CTTNBP2: variants seen among roughly 807,000 people sequenced by gnomAD.
CTTNBP2 encodes cortactin-binding protein 2.
In CTTNBP2, 108 loss-of-function variants were observed where a neutral mutation model predicts 156.9. That is an observed-to-expected ratio of 0.69 (90% confidence interval 0.59 to 0.81). The LOEUF (loss-of-function observed/expected upper bound fraction) is 0.81. CTTNBP2 is among the 30% of genes least tolerant of loss of function. CTTNBP2 has a pLI of 0.00. For synonymous variants in CTTNBP2, 767 were observed against 751.8 expected (o/e 1.02, Z -0.33); for missense variants, 1,924 against 2,035.4 (o/e 0.95, Z 1.05).
At chr7:117,840,583 G>A (rs1262828553) in intron 2 of CTTNBP2, among the ~76,000 whole-genome samples, 2 of 152,138 alleles carry the variant, frequency 1.3e-5, no homozygotes, top group Admixed American at 1.3e-4. Context: ...TTCCATACAT[G>A]TAAACCATTA....
intron 20 of CTTNBP2, among the ~76,000 whole-genome samples, chr7:117,720,163 C>G (rs1367627030): frequency 6.6e-6 from 1 of 151,282 alleles, no homozygotes; most frequent in Non-Finnish European, 1.5e-5. Context: ...AATAGCGTGC[C>G]ATGCAGTTTC....
At chr7:117,721,688 T>G (rs1794799279) in intron 19 of CTTNBP2, among the ~76,000 whole-genome samples, 1 of 152,196 alleles carries the variant, frequency 6.6e-6, no homozygotes, top group Non-Finnish European at 1.5e-5. Context: ...ATTTAAATGC[T>G]GAAAATCATA....
intron 16 of CTTNBP2, among the ~76,000 whole-genome samples, chr7:117,729,398 C>G (rs1352439223): frequency 1.3e-5 from 2 of 152,176 alleles, no homozygotes; most frequent in Non-Finnish European, 1.5e-5. Context: ...AATAGACTTT[C>G]TAGTAACCAC....
intron 12 of CTTNBP2, among the ~76,000 whole-genome samples, chr7:117,755,083 C>G (rs1011348235): frequency 1.3e-5 from 2 of 152,196 alleles, no homozygotes; most frequent in African/African-American, 4.8e-5. Flanking sequence ...CTTCAACCTT[C>G]ACTTAAGCCA....
chr7:117,758,733 A>G lies in CTTNBP2; in HGVS notation c.3173-763T>C, dbSNP rs369406927. ...ACAATAATAACACTAATAATTACCA[A>G]TTATGAAGTGGTTACAGCGAGGCAC... On this transcript the variant is annotated intron_variant, in intron 10 of 22. Coordinates refer to ENST00000160373, the MANE Select transcript of CTTNBP2 (RefSeq NM_033427.3). 7.1e-4 allele frequency among the ~76,000 whole-genome samples: 108 copies of G among 152,310 alleles called. 1 individual carries two copies. Among genetic ancestry groups the G allele is most frequent in the African/African-American group, 2.3e-3 (94 of 41,572 alleles).
At chr7:117,719,964 T>C (rs561235068) in intron 20 of CTTNBP2, among the ~76,000 whole-genome samples, 1 of 152,290 alleles carries the variant, frequency 6.6e-6, no homozygotes, top group Admixed American at 6.5e-5. Context: ...TGTGATAAAA[T>C]GGGACAAACA....
intron 3 of CTTNBP2, among the ~76,000 whole-genome samples, chr7:117,797,871 T>C (rs887288594): frequency 6.6e-6 from 1 of 151,960 alleles, no homozygotes; most frequent in Non-Finnish European, 1.5e-5. Context: ...AAAGACAGAA[T>C]GCAGAAGAAA....
At chr7:117,756,517 T>C in intron 12 of CTTNBP2, 38 bp downstream of exon 12, 1 of 1,508,330 alleles carries the variant, frequency 6.6e-7, no homozygotes, top group South Asian at 1.1e-5. Flanking sequence ...GTGGCAGGGA[T>C]GGAAAACACA....
intron 12 of CTTNBP2, among the ~76,000 whole-genome samples, chr7:117,751,086 G>A (rs1044282914): frequency 6.6e-6 from 1 of 152,150 alleles, no homozygotes; most frequent in Non-Finnish European, 1.5e-5. Flanking sequence ...TTAGTGCTTT[G>A]TGAGCCAAAC....
intron 8 of CTTNBP2, among the ~76,000 whole-genome samples, chr7:117,770,683 C>G (rs150575870): frequency 6.6e-6 from 1 of 152,254 alleles, no homozygotes; most frequent in African/African-American, 2.4e-5. Flanking sequence ...TGCAAAGTGT[C>G]CTGATACACT....
chr7:117,793,714 C>G (rs1799163488), intron 3 of CTTNBP2: 1 of 152,232 alleles, frequency 6.6e-6, no homozygotes, highest in Non-Finnish European at 1.5e-5. Flanking sequence ...AAGGCACTGT[C>G]TGTTCACCAA....
In CTTNBP2 at chr7:117,711,733, T is replaced by G. The variant is rs1794067322; in HGVS notation, c.4796A>C (p.Lys1599Thr). Residue 1599 changes from lysine (K) to threonine (T), a missense_variant, in exon 23 of 23, where the codon AAA (lysine) becomes ACA (threonine). Coordinates refer to ENST00000160373, the MANE Select transcript of CTTNBP2 (RefSeq NM_033427.3). The part of the protein sequence containing the change: ...SHQTTECSNS[K>T]SKTELGVSRV... ...TGAAACACCCAACTCAGTCTTTGATTTACTGTTGCTGCATTCAGTAGTTTG... is the reference window on the plus strand; with the variant it reads ...TGAAACACCCAACTCAGTCTTTGATGTACTGTTGCTGCATTCAGTAGTTTG... 1 of 1,613,866 alleles carries G rather than the reference T, an allele frequency of 6.2e-7. No homozygotes were observed. Among genetic ancestry groups the G allele is most frequent in the Non-Finnish European group, 8.5e-7 (1 of 1,179,926 alleles).
At chr7:117,717,654 G>GTGTATATAAACTTTGGTAC (rs1794502572) in intron 22 of CTTNBP2, among the ~76,000 whole-genome samples, 1 of 151,564 alleles carries the variant, frequency 6.6e-6, no homozygotes. Flanking sequence ...AAGGAATATA[G>GTGTATATAAACTTTGGTAC]TGTATATAAA....
At chr7:117,748,724 C>T (rs776604958) in intron 12 of CTTNBP2, among the ~76,000 whole-genome samples, 1 of 152,204 alleles carries the variant, frequency 6.6e-6, no homozygotes, top group Non-Finnish European at 1.5e-5. Flanking sequence ...CATAGTCTAC[C>T]ACCTTGCATC....
At chr7:117,778,449 C>G (rs780889007) in intron 7 of CTTNBP2, among the ~76,000 whole-genome samples, 2 of 152,206 alleles carry the variant, frequency 1.3e-5, no homozygotes, top group African/African-American at 4.8e-5. Context: ...ACCCACTTAG[C>G]TGGTTGCTAG....
At chr7:117,816,871 A>C (rs2117001188) in intron 2 of CTTNBP2, among the ~76,000 whole-genome samples, 1 of 152,232 alleles carries the variant, frequency 6.6e-6, no homozygotes, top group African/African-American at 2.4e-5. Flanking sequence ...AGGAGGCCTG[A>C]CCCTAAAAAA....
chr7:117,773,521 C>A (rs1797908654), intron 8 of CTTNBP2, among the ~76,000 whole-genome samples: 1 of 152,014 alleles, frequency 6.6e-6, no homozygotes, highest in Non-Finnish European at 1.5e-5. Context: ...AGTAAAAAGG[C>A]AAATATGGAG....
rs531816585 is a variant in CTTNBP2 at position 117,791,709 on chromosome 7, A to T, written c.1487T>A (p.Leu496Gln). The T allele has an allele frequency of 4.4e-5, 71 of 1,614,172 alleles. 1 individual carries two copies. In the South Asian group the frequency reaches 7.6e-4, roughly 17 times the overall value. ...QLARNTVTQA[L>Q]SRFTSPQAGA... ...TGCTTGAGGGCTTGTAAATCTTGAC[A>T]GTGCTTGGGTCACAGTATTCCGAGC... The change falls in exon 4 of 23, where the codon CTG (leucine) becomes CAG (glutamine). Residue 496 changes from leucine (L) to glutamine (Q), a missense_variant. Leu to Gln is a moderately radical substitution (Grantham distance 113). Coordinates refer to ENST00000160373, the MANE Select transcript of CTTNBP2 (RefSeq NM_033427.3).
rs1486921078 is a variant in CTTNBP2, at chr7:117,777,764, T to C, written c.2525A>G (p.Asp842Gly). The change falls in exon 8 of 23, where the codon GAT becomes GGT. Residue 842 changes from aspartate to glycine, a missense_variant and splice_region_variant. Physicochemically the swap from Asp to Gly is moderately conservative, Grantham distance 94. Transcript: ENST00000160373. Reference protein sequence around the residue: ...AGTNRSVKTTDGWTPVHAAVD... With the variant: ...AGTNRSVKTTGGWTPVHAAVD... ...AGCTGCGTGAACTGGTGTCCAGCCA[T>C]CCTGAAAATAAAATGACCAGGGGGA... 15 of 1,601,862 alleles carry C rather than the reference T, an allele frequency of 9.4e-6. No individual in the cohort carries two copies. Among genetic ancestry groups the C allele is most frequent in the African/African-American group, 1.3e-5 (1 of 74,618 alleles).
Sources: gnomAD v4.1 joint callset for allele counts (sites outside exome capture counted in the v4.1 genomes callset) on GRCh38, gnomAD v4.1.1 for gene constraint, MANE v1.5 for transcripts, NCBI Gene and HGNC (gene_info 2026-07-23, HGNC 2026-07-21) for gene names.